The following SYK variants were observed in gnomAD, a reference collection of about 807,000 sequenced individuals.
The protein encoded by SYK is tyrosine-protein kinase SYK.
A neutral mutation model predicts 77.8 loss-of-function variants in SYK; 16 were observed. That is an observed-to-expected ratio of 0.21 (90% CI 0.14 to 0.31). The LOEUF is 0.31. SYK is among the 10% of genes least tolerant of loss of function. The pLI is 1.00. For synonymous variants in SYK, 312 were observed against 308.7 expected (o/e 1.01, Z -0.11); for missense variants, 529 against 814.4 (o/e 0.65, Z 4.26).
chr9:90,874,967 C>A (rs986668985), intron 9 of SYK, 118 bp downstream of exon 9: 1 of 1,221,814 alleles, frequency 8.2e-7, no homozygotes, highest in Non-Finnish European at 1.1e-6. Context: ...TGCTACCATT[C>A]TTGTTAATTT....
At chr9:90,847,190 A>G (rs761961273) in intron 3 of SYK, among the ~76,000 whole-genome samples, 31 of 152,136 alleles carry the variant, frequency 2.0e-4, no homozygotes, top group Admixed American at 3.9e-4. Context: ...CTTGTTCCCT[A>G]TCTGCCCTGT....
At chr9:90,853,255 T>G (rs569208786) in intron 3 of SYK, among the ~76,000 whole-genome samples, 106 of 148,192 alleles carry the variant, frequency 7.2e-4, no homozygotes, top group Middle Eastern at 3.4e-3. Flanking sequence ...TCGCTAACTA[T>G]AGGAACTGGG....
intron 1 of SYK, among the ~76,000 whole-genome samples, chr9:90,840,067 C>T (rs899102829): frequency 2.0e-5 from 3 of 152,082 alleles, no homozygotes; most frequent in African/African-American, 2.4e-5. Context: ...GACAGGGTTA[C>T]GCCAAGCAGT....
chr9:90,818,864 C>A (rs1825401573), intron 1 of SYK, among the ~76,000 whole-genome samples: 2 of 152,236 alleles, frequency 1.3e-5, no homozygotes, highest in African/African-American at 4.8e-5. Flanking sequence ...CTTCTCTACC[C>A]TGCAGGAATT....
rs560938218 is a variant in SYK at position 90,845,687 on chromosome 9, C to A, written c.578+93C>A. ...CTTCCTTGTGACTGGCCCCACATGA[C>A]CCTGGGAAGAGGCCATGCATTGCCA... is the stretch of plus-strand genomic sequence containing the variant. On this transcript the variant is annotated intron_variant, in intron 3 of 13. Transcript: ENST00000375754. The A allele has an allele frequency of 1.2e-5, 18 of 1,471,298 alleles. No individual in the cohort carries two copies. The African/African-American group carries it at 2.0e-4, about 16-fold the overall frequency. The allele number at this position is 1,471,298 out of a possible 1,614,324, so 91.1% of individuals were successfully genotyped here. A position where few individuals can be genotyped will look rare whatever the true frequency, so the allele number is the denominator to read the frequency against.
intron 2 of SYK, among the ~76,000 whole-genome samples, chr9:90,844,895 G>A (rs1344207943): frequency 6.6e-6 from 1 of 152,198 alleles, no homozygotes; most frequent in Non-Finnish European, 1.5e-5. Context: ...AACTTTGAAA[G>A]GGTTGGGATT....
intron 7 of SYK, among the ~76,000 whole-genome samples, chr9:90,873,162 A>C (rs1235764845): frequency 6.6e-6 from 1 of 152,198 alleles, no homozygotes; most frequent in Admixed American, 6.5e-5. Context: ...CTCGCCTTGT[A>C]ATATGAATAA....
rs1258436701 is a variant in SYK at position 90,845,328 on chromosome 9, G to A, written c.418-106G>A. 26 of 1,219,936 alleles carry A rather than the reference G, an allele frequency of 2.1e-5. No homozygotes were observed. The East Asian group carries it at 5.3e-4, about 25-fold the overall frequency. The allele number at this position is 1,219,936 out of a possible 1,614,324, so 75.6% of individuals were successfully genotyped here. A position where few individuals can be genotyped will look rare whatever the true frequency, so the allele number is the denominator to read the frequency against. On this transcript the variant is annotated intron_variant, in intron 2 of 13. Coordinates refer to ENST00000375754, the MANE Select transcript of SYK (RefSeq NM_003177.7). ...CTGAATGAATGAGTGAATAAGTTTTGATCCTGTTTTACCATGCCAGGACTC... is the reference window on the plus strand; with the variant it reads ...CTGAATGAATGAGTGAATAAGTTTTAATCCTGTTTTACCATGCCAGGACTC...
intron 3 of SYK, among the ~76,000 whole-genome samples, chr9:90,853,087 C>A (rs1468759071): frequency 2.6e-5 from 4 of 151,570 alleles, no homozygotes; most frequent in Admixed American, 2.0e-4. Context: ...CGAGTGCAAC[C>A]CAGCACCTAG....
chr9:90,843,279 C>T (rs113925865), intron 1 of SYK, among the ~76,000 whole-genome samples: 178 of 152,300 alleles, frequency 1.2e-3, no homozygotes, highest in African/African-American at 4.0e-3. Context: ...GTCACAGTTC[C>T]GTGTGGGCCC....
chr9:90,892,505 T>C (rs1341650266), intron 13 of SYK, among the ~76,000 whole-genome samples: 1 of 152,218 alleles, frequency 6.6e-6, no homozygotes, highest in Non-Finnish European at 1.5e-5. Context: ...CTGGCATATT[T>C]TGGGATGGCC....
chr9:90,861,394 T>G (rs926003567), intron 3 of SYK, among the ~76,000 whole-genome samples: 1 of 152,202 alleles, frequency 6.6e-6, no homozygotes, highest in Non-Finnish European at 1.5e-5. Context: ...CAGCTCTGGT[T>G]TCACCTCTGT....
intron 3 of SYK, among the ~76,000 whole-genome samples, chr9:90,859,796 A>G (rs1827180991): frequency 6.6e-6 from 1 of 152,172 alleles, no homozygotes; most frequent in Non-Finnish European, 1.5e-5. Context: ...AGAGCGTGGA[A>G]TGGTACTTCC....
At chr9:90,880,940 T>C (rs1398718805) in intron 11 of SYK, among the ~76,000 whole-genome samples, 1 of 152,186 alleles carries the variant, frequency 6.6e-6, no homozygotes, top group African/African-American at 2.4e-5. Context: ...TGGGCTTCCC[T>C]TGGGCCCATG....
chr9:90,834,710 A>T (rs1454561800), intron 1 of SYK, among the ~76,000 whole-genome samples: 1 of 152,216 alleles, frequency 6.6e-6, no homozygotes, highest in Non-Finnish European at 1.5e-5. Context: ...TGGCCCAACT[A>T]AAATTTGTAA....
chr9:90,842,561 TTG>T (rs1319818457), intron 1 of SYK, among the ~76,000 whole-genome samples: 1 of 150,788 alleles, frequency 6.6e-6, no homozygotes, highest in Non-Finnish European at 1.5e-5. Flanking sequence ...CATGTCTGTT[TTG>T]TGTGTGTAGC....
chr9:90,865,896 T>TTTTTG (rs1827468721), intron 6 of SYK, among the ~76,000 whole-genome samples: 1 of 121,268 alleles, frequency 8.2e-6, no homozygotes, highest in Non-Finnish European at 1.7e-5. Context: ...ATGGCCTTTT[T>TTTTTG]TTTTTTTTTT....
intron 1 of SYK, among the ~76,000 whole-genome samples, chr9:90,828,225 C>G (rs1825728142): frequency 3.4e-5 from 2 of 59,204 alleles, no homozygotes; most frequent in Admixed American, 1.8e-4. Context: ...TCTGCTGTGG[C>G]CTCACCCCCG....
At chr9:90,839,672 TGTTCCTACAAA>T (rs1826221589) in intron 1 of SYK, among the ~76,000 whole-genome samples, 1 of 152,224 alleles carries the variant, frequency 6.6e-6, no homozygotes, top group Admixed American at 6.5e-5. Context: ...TTTAAAATTT[TGTTCCTACAAA>T]GTTACTGTCT....
Sources: gnomAD v4.1 joint callset for allele counts (sites outside exome capture counted in the v4.1 genomes callset) on GRCh38, gnomAD v4.1.1 for gene constraint, MANE v1.5 for transcripts, NCBI Gene and HGNC (gene_info 2026-07-23, HGNC 2026-07-21) for gene names.